Variants in OTOGL observed in about 807,000 individuals in gnomAD.
The protein encoded by OTOGL is otogelin like.
Under a neutral mutation model 318.5 loss-of-function variants are expected in OTOGL, and 285 were observed. The observed-to-expected ratio is 0.89, with a 90% CI of 0.81 to 0.99. The LOEUF is 0.99. OTOGL is among the 50% of genes least tolerant of loss of function. The probability of loss-of-function intolerance (pLI) is 0.00; values close to 1 mark genes in which losing one functional copy is unlikely to be tolerated. For synonymous variants in OTOGL, 987 were observed against 936.5 expected (o/e 1.05, Z -0.99); for missense variants, 2,899 against 2,845.6 (o/e 1.02, Z -0.43).
intron 1 of OTOGL, among the ~76,000 whole-genome samples, chr12:80,179,837 G>A (rs1038420735): frequency 1.3e-5 from 2 of 152,206 alleles, no homozygotes; most frequent in African/African-American, 4.8e-5. Context: ...TGGTGGTGCT[G>A]CTATCCATGA....
In OTOGL at chr12:80,103,914, A is replaced by G. The variant is rs1376314835; in HGVS notation, c.-20+4309A>G. Among the ~76,000 whole-genome samples the G allele has an allele frequency of 7.9e-5, 12 of 152,322 alleles. No homozygotes were observed. In the East Asian group the frequency reaches 2.3e-3, roughly 29 times the overall value. On this transcript the variant is annotated intron_variant, in intron 1 of 58. Transcript: ENST00000547103. ...GCCTTGTTTCTGAAGATTCATCAGT[A>G]CTTTTTAAAATGTGATTGATCTTTT...
intron 26 of OTOGL, among the ~76,000 whole-genome samples, chr12:80,295,201 A>G (rs1312585091): frequency 1.5e-5 from 2 of 133,122 alleles, no homozygotes; most frequent in African/African-American, 3.2e-5. Context: ...CAGAGTCTCA[A>G]TCTGTCACCC....
intron 42 of OTOGL, 85 bp downstream of exon 42, chr12:80,337,089 A>G: frequency 9.8e-7 from 1 of 1,021,752 alleles, no homozygotes; most frequent in Non-Finnish European, 1.4e-6. Context: ...GGGAAAATTA[A>G]GCATATCAAT....
intron 26 of OTOGL, among the ~76,000 whole-genome samples, chr12:80,282,004 T>C (rs1884267821): frequency 6.6e-6 from 1 of 151,906 alleles, no homozygotes; most frequent in Non-Finnish European, 1.5e-5. Context: ...AGAAATGCTA[T>C]TTTGATGATA....
At chr12:80,279,644 T>A (rs1884071102) in intron 26 of OTOGL, among the ~76,000 whole-genome samples, 1 of 151,850 alleles carries the variant, frequency 6.6e-6, no homozygotes, top group Non-Finnish European at 1.5e-5. Flanking sequence ...GGCCATGTAA[T>A]ATTCCATGGT....
At chr12:80,123,548 C>T (rs1870618054) in intron 1 of OTOGL, among the ~76,000 whole-genome samples, 1 of 152,172 alleles carries the variant, frequency 6.6e-6, no homozygotes, top group Non-Finnish European at 1.5e-5. Flanking sequence ...GGTATATACC[C>T]AGTCAGTAAT....
Position 80,267,289 on chromosome 12 carries a change from T to C in OTOGL, c.2427T>C (p.Tyr809=). ...HCRCHYRGSV[Y]QPGELIPTPS... is the part of the protein sequence containing the mutation. The stretch of plus-strand genomic sequence containing the variant: ...GTTGTCATTATAGGGGCAGTGTTTA[T>C]CAACCTGGAGAGCTCATCCCCACAC... Residue 809 remains tyrosine (Y), a synonymous_variant, in exon 22 of 59, where the codon TAT becomes TAC. Transcript: ENST00000547103. 1 of 1,567,540 alleles carries C rather than the reference T, an allele frequency of 6.4e-7. No individual in the cohort carries two copies. The highest frequency in any genetic ancestry group is 8.7e-7 in the Non-Finnish European group (1 of 1,145,812).
chr12:80,273,832 A>T (rs1883591562), intron 24 of OTOGL, among the ~76,000 whole-genome samples: 1 of 151,844 alleles, frequency 6.6e-6, no homozygotes, highest in Non-Finnish European at 1.5e-5. Context: ...CATTTTGGTA[A>T]TTTTTGCAAT....
intron 35 of OTOGL, among the ~76,000 whole-genome samples, chr12:80,324,893 G>T (rs1021955851): frequency 1.1e-3 from 174 of 152,264 alleles, no homozygotes; most frequent in African/African-American, 3.7e-3. Context: ...AGATAAGGAA[G>T]ATGTTAGAAG....
intron 29 of OTOGL, among the ~76,000 whole-genome samples, chr12:80,309,625 G>A (rs1359746216): frequency 6.6e-6 from 1 of 152,204 alleles, no homozygotes; most frequent in Non-Finnish European, 1.5e-5. Context: ...AGAGATTTAA[G>A]ACTGTATTAG....
At chr12:80,374,343 G>C (rs1051372751) in intron 57 of OTOGL, among the ~76,000 whole-genome samples, 3 of 152,124 alleles carry the variant, frequency 2.0e-5, no homozygotes, top group Admixed American at 6.6e-5. Flanking sequence ...TCCCTGCAAA[G>C]ATCTTGTGTC....
Position 80,209,410 on chromosome 12 carries a change from CA to C in OTOGL, c.-19-2del. 2 of 1,439,444 alleles carry C rather than the reference CA, an allele frequency of 1.4e-6. No homozygotes were observed. The highest frequency in any genetic ancestry group is 1.8e-6 in the Non-Finnish European group (2 of 1,086,158). The allele number at this position is 1,439,444 out of a possible 1,614,324, so 89.2% of individuals were successfully genotyped here. ...AAAGACCATCAATTTGGTTACATTT[CA>C]GGGGGAAAGGCTACACTGAAATGAA... On this transcript the variant is annotated splice_acceptor_variant, in intron 1 of 58. Coordinates refer to ENST00000547103, the MANE Select transcript of OTOGL (RefSeq NM_001378609.3). LOFTEE classifies it low-confidence loss of function (5UTR_SPLICE).
At chr12:80,185,141 T>C (rs1456179299) in intron 1 of OTOGL, among the ~76,000 whole-genome samples, 5 of 152,136 alleles carry the variant, frequency 3.3e-5, no homozygotes, top group Non-Finnish European at 7.3e-5. Context: ...AAGTGGAGCA[T>C]GAGACATATA....
rs146189886 is a variant in OTOGL, at chr12:80,204,727, C to T, written c.-19-4686C>T. 4.5e-3 allele frequency among the ~76,000 whole-genome samples: 686 copies of T among 152,084 alleles called. 3 individuals carry two copies. The highest frequency in any genetic ancestry group is 0.014 in the African/African-American group (576 of 41,466). On this transcript the variant is annotated intron_variant, in intron 1 of 58. Coordinates refer to ENST00000547103, the MANE Select transcript of OTOGL (RefSeq NM_001378609.3). ...AACCATGTAAATGGTTGAATAAGTT[C>T]ACTAGAATGTAAGGAATATTACCAG...
At chr12:80,109,786 CT>C (rs1018838700) in intron 1 of OTOGL, among the ~76,000 whole-genome samples, 3 of 152,012 alleles carry the variant, frequency 2.0e-5, no homozygotes, top group South Asian at 2.1e-4. Context: ...AGTCTTTATT[CT>C]TTTTTTTCTT....
At chr12:80,198,454 C>A (rs542415845) in intron 1 of OTOGL, among the ~76,000 whole-genome samples, 3 of 151,996 alleles carry the variant, frequency 2.0e-5, no homozygotes, top group Non-Finnish European at 4.4e-5. Context: ...CATGGTGGCA[C>A]GTGCCTGTAA....
intron 23 of OTOGL, among the ~76,000 whole-genome samples, chr12:80,271,240 A>G (rs1007037277): frequency 6.6e-6 from 1 of 152,098 alleles, no homozygotes; most frequent in Non-Finnish European, 1.5e-5. Context: ...TAAGAGCCCA[A>G]AAGCTTTCTG....
chr12:80,222,074 A>G lies in OTOGL; in HGVS notation c.335-17A>G, dbSNP rs576976497. On this transcript the variant is annotated splice_polypyrimidine_tract_variant and intron_variant, in intron 6 of 58. Transcript: ENST00000547103. ...TAATTTATTTTGCCTACAAAATATT[A>G]TCCTGTTTCTTTTCAGTCCCAAACA... 3.1e-5 allele frequency: 50 copies of G among 1,588,968 alleles called. No homozygotes were observed. Among genetic ancestry groups the G allele is most frequent in the Non-Finnish European group, 4.2e-5 (49 of 1,173,256 alleles).
chr12:80,262,231 T>C, intron 19 of OTOGL, 138 bp downstream of exon 19: 1 of 931,284 alleles, frequency 1.1e-6, no homozygotes, highest in Non-Finnish European at 1.4e-6. Context: ...CCTCGTGTAT[T>C]TTTTTTTTGC....
Sources: allele counts gnomAD v4.1 joint callset (sites outside exome capture counted in the v4.1 genomes callset), GRCh38; gene constraint gnomAD v4.1.1; transcripts MANE v1.5; gene names NCBI Gene and HGNC (gene_info 2026-07-23, HGNC 2026-07-21).